DHX40: variants seen among roughly 807,000 people sequenced by gnomAD.
DHX40 encodes probable ATP-dependent RNA helicase DHX40.
A neutral mutation model predicts 89.6 loss-of-function variants in DHX40; 28 were observed. The ratio of observed to expected loss-of-function variants is 0.31; its 90% CI spans 0.23 to 0.43. DHX40 has a LOEUF of 0.43. DHX40 is among the 20% of genes least tolerant of loss of function. The pLI is 1.00. For missense variants in DHX40, 457 were observed against 844.0 expected (o/e 0.54, Z 5.68); for synonymous variants, 226 against 283.6 (o/e 0.80, Z 2.04).
At chr17:59,604,958 TAG>T in intron 15 of DHX40, 155 bp from the exon 16 acceptor site, 1 of 637,586 alleles carries the variant, frequency 1.6e-6, no homozygotes, top group South Asian at 1.9e-5. Context: ...GATGAATTGG[TAG>T]AGAGCTTGTA....
At chr17:59,594,867 G>A (rs2029921903) in intron 12 of DHX40, among the ~76,000 whole-genome samples, 1 of 151,346 alleles carries the variant, frequency 6.6e-6, no homozygotes, top group Admixed American at 6.6e-5. Context: ...TCTTCCTACT[G>A]TCCTTACCGA....
At chr17:59,598,137 G>A (rs2030227846) in intron 12 of DHX40, among the ~76,000 whole-genome samples, 1 of 151,998 alleles carries the variant, frequency 6.6e-6, no homozygotes, top group African/African-American at 2.4e-5. Context: ...AAATTGCTGG[G>A]ATTACAGGTG....
intron 3 of DHX40, among the ~76,000 whole-genome samples, chr17:59,571,273 C>G (rs1418116572): frequency 2.0e-5 from 3 of 151,948 alleles, no homozygotes; most frequent in Non-Finnish European, 4.4e-5. Context: ...GCCTGACCAA[C>G]ATGGAGAAAC....
At chr17:59,570,175 TTAA>T (rs1279381675) in intron 2 of DHX40, among the ~76,000 whole-genome samples, 4 of 124,854 alleles carry the variant, frequency 3.2e-5, no homozygotes, top group Admixed American at 9.9e-5. Flanking sequence ...ATGTTATATA[TTAA>T]TATATATAAT....
chr17:59,593,953 T>G (rs1039994688), intron 12 of DHX40, among the ~76,000 whole-genome samples: 12 of 149,330 alleles, frequency 8.0e-5, no homozygotes, highest in African/African-American at 2.7e-4. Flanking sequence ...TAGCTAAGCC[T>G]TTTAATTTAA....
chr17:59,569,698 AATATATAT>A (rs1339034424), intron 2 of DHX40, among the ~76,000 whole-genome samples: 1 of 141,744 alleles, frequency 7.1e-6, no homozygotes, highest in African/African-American at 2.7e-5. Context: ...AAAAGAAAAA[AATATATAT>A]ATATCTATAT....
In DHX40 at chr17:59,598,964, A is replaced by C. The variant is rs1489331298; in HGVS notation, c.1697+113A>C. 6.7e-6 allele frequency: 4 copies of C among 599,768 alleles called. No individual in the cohort carries two copies. The East Asian group carries it at 1.1e-4, about 17-fold the overall frequency. The allele number at this position is 599,768 out of a possible 1,614,324, so 37.2% of individuals were successfully genotyped here. A position where few individuals can be genotyped will look rare whatever the true frequency, so the allele number is the denominator to read the frequency against. ...TTCAGTGAAGATGATATTGACTTCA[A>C]GGTATTTTGAATTTCAGTGAAATTA... is the stretch of plus-strand genomic sequence containing the variant. On this transcript the variant is annotated intron_variant, in intron 13 of 17. Coordinates refer to ENST00000251241, the MANE Select transcript of DHX40 (RefSeq NM_024612.5).
chr17:59,573,541 C>T (rs2048839549), intron 4 of DHX40, among the ~76,000 whole-genome samples, 199 bp from the exon 5 acceptor site: 1 of 152,022 alleles, frequency 6.6e-6, no homozygotes, highest in South Asian at 2.1e-4. Flanking sequence ...GTTTTGTTTC[C>T]CTGGCAGGTC....
In DHX40 at chr17:59,581,588, C is replaced by A. The variant is rs369257378; in HGVS notation, c.1343+1709C>A. On this transcript the variant is annotated intron_variant, in intron 10 of 17. Coordinates refer to ENST00000251241, the MANE Select transcript of DHX40 (RefSeq NM_024612.5). ...TCAACCTGGCCAACATGGTGTAACC[C>A]TGTCTCTATTAAAAATACAAAATTA... 1.6e-4 allele frequency among the ~76,000 whole-genome samples: 9 copies of A among 57,364 alleles called. 1 individual carries two copies. In the East Asian group the frequency reaches 6.9e-3, roughly 44 times the overall value. 37.6% of individuals were successfully genotyped at this position (57,364 alleles called of 152,430 possible).
At chr17:59,578,988 G>GTATATA (rs370261937) in intron 8 of DHX40, among the ~76,000 whole-genome samples, 14 of 137,048 alleles carry the variant, frequency 1.0e-4, no homozygotes, top group African/African-American at 2.0e-4. Context: ...GTGTGTGTGT[G>GTATATA]TATATATATA....
chr17:59,567,751 C>CCATGTTTCTA (rs2048727248), intron 2 of DHX40, among the ~76,000 whole-genome samples: 1 of 150,994 alleles, frequency 6.6e-6, no homozygotes, highest in African/African-American at 2.4e-5. Context: ...ACAGTGAAAC[C>CCATGTTTCTA]CTGTCTCTAC....
chr17:59,600,685 A>G (rs1246540858), intron 14 of DHX40, among the ~76,000 whole-genome samples: 1 of 151,982 alleles, frequency 6.6e-6, no homozygotes, highest in Non-Finnish European at 1.5e-5. Context: ...TCTCTACAAA[A>G]AAATTAAAAT....
At chr17:59,568,389 A>G (rs1010438969) in intron 2 of DHX40, among the ~76,000 whole-genome samples, 1 of 152,150 alleles carries the variant, frequency 6.6e-6, no homozygotes, top group African/African-American at 2.4e-5. Flanking sequence ...TAATGCTTCA[A>G]TCTAAGGTGC....
At chr17:59,569,749 C>G (rs947785394) in intron 2 of DHX40, among the ~76,000 whole-genome samples, 5 of 137,830 alleles carry the variant, frequency 3.6e-5, no homozygotes, top group East Asian at 2.0e-4. Context: ...TTTTTTCTTT[C>G]TTTTTTTTTG....
chr17:59,603,099 GGAATT>G (rs1039645119), intron 15 of DHX40, among the ~76,000 whole-genome samples: 1 of 152,118 alleles, frequency 6.6e-6, no homozygotes, highest in African/African-American at 2.4e-5. Flanking sequence ...TAAATACAGA[GGAATT>G]GAACACATAA....
At chr17:59,595,077 T>C (rs1053264008) in intron 12 of DHX40, among the ~76,000 whole-genome samples, 10 of 134,384 alleles carry the variant, frequency 7.4e-5, no homozygotes, top group African/African-American at 3.1e-4. Flanking sequence ...TTTGTAGATT[T>C]TTTGTTTTTT....
chr17:59,577,980 A>G (rs2048908721), intron 8 of DHX40, among the ~76,000 whole-genome samples: 1 of 152,150 alleles, frequency 6.6e-6, no homozygotes, highest in Non-Finnish European at 1.5e-5. Context: ...CTGACTTTTT[A>G]CCTTTTTGTG....
chr17:59,602,115 C>T lies in DHX40; in HGVS notation c.1807-407C>T, dbSNP rs537290541. Among the ~76,000 whole-genome samples, 3 of 152,044 alleles carry T rather than the reference C, an allele frequency of 2.0e-5. No individual in the cohort carries two copies. In the East Asian group the frequency reaches 5.8e-4, roughly 29 times the overall value. On this transcript the variant is annotated intron_variant, in intron 14 of 17. Transcript: ENST00000251241. ...CTCTCTGGAGTTGTGTCTTTGTGCA[C>T]TTCTCTTCTCTCCTGAACTCTTGTC... is the stretch of plus-strand genomic sequence containing the variant.
Position 59,570,792 on chromosome 17 carries a change from C to G in DHX40, c.426+129C>G, listed in dbSNP as rs575847719. 125 of 862,198 alleles carry G rather than the reference C, an allele frequency of 1.4e-4. No homozygotes were observed. In the South Asian group the frequency reaches 2.8e-3, roughly 20 times the overall value. The allele number at this position is 862,198 out of a possible 1,614,324, so 53.4% of individuals were successfully genotyped here. ...TCTACCTTCTGGGCTCAAGTGATCTCCTACCTCAGCCCCTTGGGTAGCTGG... is the reference window on the plus strand; with the variant it reads ...TCTACCTTCTGGGCTCAAGTGATCTGCTACCTCAGCCCCTTGGGTAGCTGG... On this transcript the variant is annotated intron_variant, in intron 3 of 17. Coordinates refer to ENST00000251241, the MANE Select transcript of DHX40 (RefSeq NM_024612.5).
Sources: allele counts gnomAD v4.1 joint callset (sites outside exome capture counted in the v4.1 genomes callset), GRCh38; gene constraint gnomAD v4.1.1; transcripts MANE v1.5; gene names NCBI Gene and HGNC (gene_info 2026-07-23, HGNC 2026-07-21).